Variants in ZNF568 observed in about 807,000 individuals in gnomAD.
ZNF568 encodes zinc finger protein 568.
Under a neutral mutation model 18.1 loss-of-function variants are expected in ZNF568, and 11 were observed. The ratio of observed to expected loss-of-function variants is 0.61; its 90% CI spans 0.38 to 1.00. ZNF568 has a LOEUF of 1.00. Among genes scored for constraint, ZNF568 ranks in the 50% least tolerant of loss-of-function variants. ZNF568 has a pLI of 0.01. For synonymous variants in ZNF568, 213 were observed against 246.6 expected, an observed-to-expected ratio of 0.86 and a Z score of 1.28; for missense variants, 639 against 768.2, an observed-to-expected ratio of 0.83 and a Z score of 1.99.
intron 6 of ZNF568, among the ~76,000 whole-genome samples, chr19:36,937,910 T>C (rs1463408868): frequency 1.3e-5 from 2 of 152,172 alleles, no homozygotes; most frequent in African/African-American, 4.8e-5. Context: ...ACCAATATTA[T>C]ACCTTTTGTG....
chr19:36,932,741 T>TA (rs1355627928), intron 4 of ZNF568, among the ~76,000 whole-genome samples: 1 of 152,234 alleles, frequency 6.6e-6, no homozygotes, highest in Non-Finnish European at 1.5e-5. Flanking sequence ...GGGTGTGAAG[T>TA]AAAGCTCATG....
chr19:36,983,893 C>T (rs1457887576), downstream of ZNF568, among the ~76,000 whole-genome samples: 2 of 108,570 alleles, frequency 1.8e-5, no homozygotes, highest in African/African-American at 3.8e-5. Flanking sequence ...CAACTTTGTC[C>T]TTTTTTTTTT....
chr19:36,942,415 T>C (rs541144209), intron 6 of ZNF568, among the ~76,000 whole-genome samples: 149 of 150,854 alleles, frequency 9.9e-4, no homozygotes, highest in Middle Eastern at 3.4e-3. Context: ...CTGGCTAACA[T>C]GGTGAAACCC....
chr19:36,926,788 G>A (rs1461150351), intron 4 of ZNF568, among the ~76,000 whole-genome samples: 5 of 151,992 alleles, frequency 3.3e-5, no homozygotes, highest in South Asian at 2.1e-4. Flanking sequence ...ATTATCAGAC[G>A]TCTATGAAGT....
At chr19:36,920,479 C>T (rs1362697724) in intron 2 of ZNF568, among the ~76,000 whole-genome samples, 10 of 151,684 alleles carry the variant, frequency 6.6e-5, no homozygotes, top group African/African-American at 1.7e-4. Context: ...AAAAATTAGC[C>T]GGGTGTGGTG....
At chr19:36,960,890 A>G (rs1321608027) in intron 6 of ZNF568, among the ~76,000 whole-genome samples, 1 of 151,964 alleles carries the variant, frequency 6.6e-6, no homozygotes, top group Non-Finnish European at 1.5e-5. Context: ...AAGATACTTG[A>G]TAAGATTTCA....
intron 4 of ZNF568, among the ~76,000 whole-genome samples, chr19:36,927,703 G>C (rs1010336703): frequency 4.7e-5 from 7 of 149,968 alleles, no homozygotes; most frequent in Non-Finnish European, 1.0e-4. Context: ...GCTTCCATTT[G>C]AATTTTAGAA....
intron 4 of ZNF568, among the ~76,000 whole-genome samples, chr19:36,995,861 A>G (rs909944324): frequency 6.6e-6 from 1 of 152,178 alleles, no homozygotes; most frequent in Non-Finnish European, 1.5e-5. Context: ...TATTATTGTC[A>G]TACAAATTAC....
intron 3 of ZNF568, among the ~76,000 whole-genome samples, chr19:36,923,285 C>T (rs116056590): frequency 0.014 from 2,081 of 152,244 alleles, 59 homozygotes; most frequent in African/African-American, 0.047. Context: ...ATTTAGCTCT[C>T]TTTCACTACC....
At chr19:36,981,068 G>T (rs916704871), downstream of ZNF568, among the ~76,000 whole-genome samples, 1 of 152,164 alleles carries the variant, frequency 6.6e-6, no homozygotes, top group African/African-American at 2.4e-5. Context: ...CCTCTTTTTG[G>T]AGGCCACATT....
rs1412666180 is a variant in ZNF568, at chr19:36,924,721, C to T, written c.77-479C>T. On this transcript the variant is annotated intron_variant, in intron 3 of 6. Coordinates refer to ENST00000333987, the MANE Select transcript of ZNF568 (RefSeq NM_198539.4). Reference sequence around the variant, plus strand: ...TGGTGGATGCCTATAATCCCAGCTACGTGGGAGGCTGAGGCAGGAGAATCG... The same window carrying T: ...TGGTGGATGCCTATAATCCCAGCTATGTGGGAGGCTGAGGCAGGAGAATCG... 2.7e-5 allele frequency among the ~76,000 whole-genome samples: 4 copies of T among 150,518 alleles called. 1 individual carries two copies. The highest frequency in any genetic ancestry group is 9.7e-5 in the African/African-American group (4 of 41,148).
chr19:36,996,998 C>T (rs1009529321), exon 5 of ZNF568: 2 of 1,549,108 alleles, frequency 1.3e-6, no homozygotes, highest in Non-Finnish European at 1.7e-6. Flanking sequence ...ACCCGTCCCT[C>T]ACACCTTTTT....
At chr19:36,928,058 G>T (rs2073614741) in intron 4 of ZNF568, among the ~76,000 whole-genome samples, 1 of 149,606 alleles carries the variant, frequency 6.7e-6, no homozygotes, top group Non-Finnish European at 1.5e-5. Context: ...GGGATTACAG[G>T]GGTACACCAC....
intron 6 of ZNF568, among the ~76,000 whole-genome samples, chr19:36,961,842 G>A (rs566902644): frequency 2.7e-5 from 4 of 150,466 alleles, no homozygotes; most frequent in South Asian, 2.1e-4. Context: ...ATTCACATAC[G>A]AAGCTTTGTC....
At chr19:36,959,365 CT>C (rs2074131229) in intron 6 of ZNF568, among the ~76,000 whole-genome samples, 1 of 152,112 alleles carries the variant, frequency 6.6e-6, no homozygotes, top group Non-Finnish European at 1.5e-5. Flanking sequence ...GCAAATCTCA[CT>C]TGATTGTGGT....
chr19:36,932,149 C>G (rs144344569), intron 4 of ZNF568, among the ~76,000 whole-genome samples: 1 of 151,998 alleles, frequency 6.6e-6, no homozygotes, highest in African/African-American at 2.4e-5. Flanking sequence ...ATTCATTTCC[C>G]CTTTTAGGCT....
At chr19:36,941,926 T>A (rs570328327) in intron 6 of ZNF568, among the ~76,000 whole-genome samples, 2,092 of 152,172 alleles carry the variant, frequency 0.014, 23 homozygotes, top group African/African-American at 0.025. Flanking sequence ...TTTTTTTAAC[T>A]ATCTCTTTTG....
chr19:36,975,061 A>G (rs1275159852), intron 7 of ZNF568, among the ~76,000 whole-genome samples: 6 of 150,964 alleles, frequency 4.0e-5, no homozygotes, highest in Non-Finnish European at 1.5e-5. Flanking sequence ...TCCTTAACTC[A>G]GGCAATCCAC....
At chr19:36,997,773 T>G (rs200675192), downstream of ZNF568, 1 of 551,158 alleles carries the variant, frequency 1.8e-6, no homozygotes, top group Non-Finnish European at 3.1e-6. Flanking sequence ...CATACTGATT[T>G]GGAAAAAAAA....
Sources: allele counts gnomAD v4.1 joint callset (sites outside exome capture counted in the v4.1 genomes callset), GRCh38; gene constraint gnomAD v4.1.1; transcripts MANE v1.5; gene names NCBI Gene and HGNC (gene_info 2026-07-23, HGNC 2026-07-21).